The following TRNT1 variants were observed in gnomAD, a reference collection of about 807,000 sequenced individuals.
The protein encoded by TRNT1 is tRNA nucleotidyl transferase 1.
Under a neutral mutation model 45.6 loss-of-function variants are expected in TRNT1, and 44 were observed. That is an observed-to-expected ratio of 0.97 (90% confidence interval 0.76 to 1.24). The LOEUF is 1.24. Among genes scored for constraint, TRNT1 ranks in the 50% most tolerant of loss-of-function variants. The probability of loss-of-function intolerance (pLI) is 0.00; values close to 1 mark genes in which losing one functional copy is unlikely to be tolerated. For synonymous variants in TRNT1, 201 were observed against 171.4 expected, an observed-to-expected ratio of 1.17 and a Z score of -1.35; for missense variants, 633 against 504.4, an observed-to-expected ratio of 1.25 and a Z score of -2.44.
At chr3:3,129,210 T>C (rs201859135) in intron 2 of TRNT1, 22 bp downstream of exon 2, 3 of 1,610,900 alleles carry the variant, frequency 1.9e-6, no homozygotes, top group African/African-American at 2.7e-5. Flanking sequence ...GGATACCTTT[T>C]CTTGATTGGA....
At chr3:3,144,803 A>C in intron 5 of TRNT1, 93 bp downstream of exon 5, 1 of 1,256,154 alleles carries the variant, frequency 8.0e-7, no homozygotes, top group South Asian at 1.7e-5. Flanking sequence ...TCAGTGTACA[A>C]AATGGTGACA....
downstream of TRNT1, among the ~76,000 whole-genome samples, chr3:3,151,449 T>A (rs529464347): frequency 1.8e-4 from 27 of 152,256 alleles, no homozygotes; most frequent in South Asian, 5.6e-3. Context: ...TGCACTTCTG[T>A]CTGAGTTAAA....
rs199673739 is a variant in TRNT1, at chr3:3,147,682, C to T, written c.1035C>T (p.Pro345=). 1.6e-5 allele frequency: 25 copies of T among 1,612,174 alleles called. No individual in the cohort carries two copies. Among genetic ancestry groups the T allele is most frequent in the Non-Finnish European group, 1.8e-5 (21 of 1,179,074 alleles). ...KATDSSDPLK[P]YQDFIIDSRE... is the part of the protein sequence containing the mutation. ...CAGATAGTTCAGACCCATTGAAACC[C>T]TATCAAGACTTCATTATAGATGTAA... Residue 345 remains proline (P), a synonymous_variant, in exon 7 of 8, where the codon CCC becomes CCT. Coordinates refer to ENST00000251607, the MANE Select transcript of TRNT1 (RefSeq NM_182916.3).
intron 3 of TRNT1, among the ~76,000 whole-genome samples, chr3:3,139,398 C>G (rs926294598): frequency 1.3e-5 from 2 of 152,138 alleles, no homozygotes; most frequent in East Asian, 1.9e-4. Context: ...GAGAGAAATC[C>G]TACAACAGAC....
intron 4 of TRNT1, among the ~76,000 whole-genome samples, chr3:3,142,740 C>T (rs1391834813): frequency 2.0e-5 from 3 of 152,006 alleles, no homozygotes; most frequent in Admixed American, 6.6e-5. Flanking sequence ...TTGATCTTGC[C>T]TTTAGGTTCC....
At position 3,144,107 on chromosome 3, in the gene TRNT1, T is replaced by A. The variant is rs747455440; in HGVS notation, c.482-477T>A. Among the ~76,000 whole-genome samples the A allele has an allele frequency of 1.2e-4, 18 of 152,336 alleles. No homozygotes were observed. The Middle Eastern group carries it at 0.01, about 86-fold the overall frequency. On this transcript the variant is annotated intron_variant, in intron 4 of 7. Transcript: ENST00000251607. ...TATTTCATTTTTTATGTCATTCAAT[T>A]ATTTCTTCGAAAATCCTGTTGTTTT...
downstream of TRNT1, chr3:3,150,965 G>T (rs1304263150): frequency 6.2e-7 from 1 of 1,614,040 alleles, no homozygotes; most frequent in Non-Finnish European, 8.5e-7. Context: ...TTTTTGAGGT[G>T]ACATGTCTTT....
intron 4 of TRNT1, among the ~76,000 whole-genome samples, chr3:3,142,107 G>A (rs1705690719): frequency 6.6e-6 from 1 of 152,140 alleles, no homozygotes; most frequent in Non-Finnish European, 1.5e-5. Flanking sequence ...TGTAGTCAGA[G>A]CTCCAGGTAT....
chr3:3,143,599 C>T (rs1027781119), intron 4 of TRNT1, among the ~76,000 whole-genome samples: 2 of 152,162 alleles, frequency 1.3e-5, no homozygotes, highest in South Asian at 2.1e-4. Context: ...ATTTACTGGC[C>T]GGGCATGGTG....
chr3:3,144,857 T>A (rs1253264968), intron 5 of TRNT1, 147 bp downstream of exon 5: 21 of 662,070 alleles, frequency 3.2e-5, no homozygotes, highest in Admixed American at 9.4e-5. Context: ...CCCTATGACT[T>A]ATGAGTGAAA....
At chr3:3,150,518 AT>A (rs11320492), downstream of TRNT1, 45,515 of 184,864 alleles carry the variant, frequency 0.25, 4,681 homozygotes, top group East Asian at 0.69. Context: ...GGAATTTAAG[AT>A]TTTTTTTTTT....
intron 3 of TRNT1, among the ~76,000 whole-genome samples, chr3:3,138,573 C>G (rs993551392): frequency 2.0e-5 from 3 of 151,990 alleles, no homozygotes; most frequent in African/African-American, 4.8e-5. Flanking sequence ...TTTGGAAACT[C>G]TTATTATTTG....
chr3:3,148,069 T>C lies in TRNT1; in HGVS notation c.1220T>C (p.Leu407Pro), dbSNP rs773151708. Residue 407 changes from leucine (L) to proline (P), a missense_variant, in exon 8 of 8, where the codon CTA becomes CCA. Physicochemically the swap from Leu to Pro is moderately conservative, Grantham distance 98. Transcript: ENST00000251607. ...TCTTCAGGAAAAGAAATTGGGGCTC[T>C]ATTACAACAGTTGCGAGAACAGTGG... is the stretch of plus-strand genomic sequence containing the variant. The part of the protein sequence containing the change: ...GISSGKEIGA[L>P]LQQLREQWKK... 12 of 1,613,944 alleles carry C rather than the reference T, an allele frequency of 7.4e-6. No homozygotes were observed. Among genetic ancestry groups the C allele is most frequent in the Non-Finnish European group, 1.0e-5 (12 of 1,179,856 alleles).
chr3:3,153,368 G>T (rs930212105), downstream of TRNT1: 2 of 988,336 alleles, frequency 2.0e-6, no homozygotes, highest in African/African-American at 3.2e-5. Flanking sequence ...CAGAAATACA[G>T]TCTTCATTAT....
downstream of TRNT1, among the ~76,000 whole-genome samples, chr3:3,152,135 A>C (rs1706601043): frequency 6.8e-6 from 1 of 146,728 alleles, no homozygotes; most frequent in South Asian, 2.2e-4. Flanking sequence ...TGTGGAATGA[A>C]GGACATTTAA....
At position 3,127,007 on chromosome 3, in the gene TRNT1, C is replaced by G. The variant is rs906898781; in HGVS notation, c.-28+17C>G. ...GCGGGGCCGGTAAGCGGGCGCGCGCCGCTCAGAGGGGCAGAGTTGGTGGCG... is the reference window on the plus strand; with the variant it reads ...GCGGGGCCGGTAAGCGGGCGCGCGCGGCTCAGAGGGGCAGAGTTGGTGGCG... On this transcript the variant is annotated intron_variant, in intron 1 of 7. Coordinates refer to ENST00000251607, the MANE Select transcript of TRNT1 (RefSeq NM_182916.3). The G allele has an allele frequency of 2.0e-5, 3 of 152,598 alleles. No homozygotes were observed. The allele number at this position is 152,598 out of a possible 1,614,324, so 9.5% of individuals were successfully genotyped here. A position where few individuals can be genotyped will look rare whatever the true frequency, so the allele number is the denominator to read the frequency against.
chr3:3,133,691 G>A (rs1416407172), intron 2 of TRNT1, among the ~76,000 whole-genome samples: 1 of 152,136 alleles, frequency 6.6e-6, no homozygotes, highest in Non-Finnish European at 1.5e-5. Flanking sequence ...GTTGTCCACA[G>A]GGGGTGATAG....
At chr3:3,133,146 A>C (rs1559216719) in intron 2 of TRNT1, among the ~76,000 whole-genome samples, 2 of 152,000 alleles carry the variant, frequency 1.3e-5, no homozygotes, top group African/African-American at 2.4e-5. Context: ...AGTATGCAAG[A>C]ATATGAGAGA....
chr3:3,134,729 TTA>T (rs1705221258), intron 2 of TRNT1, among the ~76,000 whole-genome samples: 1 of 152,046 alleles, frequency 6.6e-6, no homozygotes, highest in Non-Finnish European at 1.5e-5. Flanking sequence ...TTTTTAATAG[TTA>T]GAATATCATA....
Sources: allele counts gnomAD v4.1 joint callset (sites outside exome capture counted in the v4.1 genomes callset), GRCh38; gene constraint gnomAD v4.1.1; transcripts MANE v1.5; gene names NCBI Gene and HGNC (gene_info 2026-07-23, HGNC 2026-07-21).